CBR4: variants seen among roughly 807,000 people sequenced by gnomAD.
CBR4 encodes carbonyl reductase 4.
Under a neutral mutation model 21.0 loss-of-function variants are expected in CBR4, and 22 were observed. The ratio of observed to expected loss-of-function variants is 1.05; its 90% confidence interval spans 0.75 to 1.50. The LOEUF (loss-of-function observed/expected upper bound fraction) is 1.50. Among genes scored for constraint, CBR4 ranks in the 40% most tolerant of loss-of-function variants. CBR4 has a pLI of 0.00. For missense variants in CBR4, 302 were observed against 286.3 expected (o/e 1.05, Z -0.40); for synonymous variants, 100 against 104.4 (o/e 0.96, Z 0.26).
intron 2 of CBR4, among the ~76,000 whole-genome samples, chr4:168,920,176 G>A (rs1262040812): frequency 6.6e-6 from 1 of 152,230 alleles, no homozygotes; most frequent in Non-Finnish European, 1.5e-5. Context: ...AGGTCAGGCA[G>A]TGTACATGGA....
chr4:168,998,033 A>C (rs140027802), intron 4 of CBR4, among the ~76,000 whole-genome samples: 1 of 152,338 alleles, frequency 6.6e-6, no homozygotes, highest in East Asian at 1.9e-4. Context: ...GAACACTTAG[A>C]ATATCTTCTC....
chr4:169,007,832 T>C, intron 1 of CBR4, 76 bp from the exon 2 acceptor site: 1 of 1,070,240 alleles, frequency 9.3e-7, no homozygotes, highest in South Asian at 1.5e-5. Flanking sequence ...GTTAAGCATC[T>C]ATCTAAGATG....
In CBR4 at chr4:168,932,256, C is replaced by A. The variant is rs141636149; in HGVS notation, n.170-37491G>T. 5.2e-3 allele frequency among the ~76,000 whole-genome samples: 781 copies of A among 150,312 alleles called. 4 individuals are homozygous for A. The highest frequency in any genetic ancestry group is 0.018 in the African/African-American group (728 of 41,092). On this transcript the variant is annotated intron_variant and non_coding_transcript_variant, in intron 2 of 3. Transcript: ENST00000509108. ...AACAAAGAACATAAAAAAAAAAAAC[C>A]CAACAGAAATCTTAGAGTTGAAGAA... is the stretch of plus-strand genomic sequence containing the variant.
chr4:168,902,769 T>C (rs767440039), intron 2 of CBR4, among the ~76,000 whole-genome samples: 4 of 152,212 alleles, frequency 2.6e-5, no homozygotes, highest in Non-Finnish European at 5.9e-5. Flanking sequence ...CAAAATTTAC[T>C]TTTATTTTTT....
At chr4:168,934,272 G>GAAAAA (rs1560951577) in intron 2 of CBR4, among the ~76,000 whole-genome samples, 4 of 1,636 alleles carry the variant, frequency 2.4e-3, no homozygotes, top group East Asian at 0.031. Flanking sequence ...AACTAGAAAA[G>GAAAAA]CAAAAAAAAC....
At chr4:168,916,641 T>A (rs1315037614) in intron 2 of CBR4, among the ~76,000 whole-genome samples, 2 of 151,916 alleles carry the variant, frequency 1.3e-5, no homozygotes, top group African/African-American at 2.4e-5. Context: ...AAATTTTGTA[T>A]CCATATATCT....
chr4:168,955,564 G>C (rs963626722), intron 2 of CBR4, among the ~76,000 whole-genome samples: 3 of 152,102 alleles, frequency 2.0e-5, no homozygotes, highest in African/African-American at 7.2e-5. Context: ...TTGTAGCTTA[G>C]GTCACATTTC....
chr4:168,951,261 G>C (rs1255769500), intron 2 of CBR4, among the ~76,000 whole-genome samples: 1 of 152,110 alleles, frequency 6.6e-6, no homozygotes, highest in Non-Finnish European at 1.5e-5. Flanking sequence ...GTTTCACCAA[G>C]TTGGCCACAA....
chr4:168,900,556 G>A (rs1205623029), intron 2 of CBR4, among the ~76,000 whole-genome samples: 1 of 152,168 alleles, frequency 6.6e-6, no homozygotes, highest in Non-Finnish European at 1.5e-5. Flanking sequence ...GACACTTTTA[G>A]GTGTTAATTT....
chr4:168,921,257 A>C (rs993569302), intron 2 of CBR4, among the ~76,000 whole-genome samples: 4 of 151,832 alleles, frequency 2.6e-5, no homozygotes, highest in Non-Finnish European at 4.4e-5. Context: ...AATACTAAAA[A>C]TTAGGCTGGC....
intron 2 of CBR4, among the ~76,000 whole-genome samples, chr4:168,929,301 A>G (rs567841076): frequency 6.6e-6 from 1 of 152,348 alleles, no homozygotes; most frequent in African/African-American, 2.4e-5. Flanking sequence ...GGGAAAGAGA[A>G]AGCTGGTCAT....
At position 168,898,426 on chromosome 4, in the gene CBR4, G is replaced by A. The variant is rs1156906629; in HGVS notation, n.170-3661C>T. The A allele has an allele frequency of 1.3e-4, 128 of 972,222 alleles. 1 individual carries two copies. The highest frequency in any genetic ancestry group is 3.2e-5 in the Non-Finnish European group (19 of 600,980). The allele number at this position is 972,222 out of a possible 1,614,324, so 60.2% of individuals were successfully genotyped here. Reference sequence around the variant, plus strand: ...CTGTCTTCTAGGGCCTTATTGGGGGGCAGGGAGAGACGTGACACTTTGTCA... The same window carrying A: ...CTGTCTTCTAGGGCCTTATTGGGGGACAGGGAGAGACGTGACACTTTGTCA... On this transcript the variant is annotated intron_variant and non_coding_transcript_variant, in intron 2 of 3. Coordinates refer to the CBR4 transcript ENST00000509108.
At position 168,989,370 on chromosome 4, in the gene CBR4, T is replaced by C; in HGVS notation, c.*780A>G. On this transcript the variant is annotated 3_prime_UTR_variant, in exon 5 of 5. Transcript: ENST00000306193. ...GGCTAATCCTCTTCACTTATGAGAA[T>C]TTCTCAAGAATGAGTCAAATGCGCC... 1.0e-6 allele frequency: 1 copy of C among 985,428 alleles called. No homozygotes were observed. Among genetic ancestry groups the C allele is most frequent in the African/African-American group, 1.7e-5 (1 of 57,378 alleles). 61.0% of individuals were successfully genotyped at this position (985,428 alleles called of 1,614,324 possible).
At chr4:168,934,863 G>A (rs1245913471) in intron 2 of CBR4, among the ~76,000 whole-genome samples, 2 of 152,130 alleles carry the variant, frequency 1.3e-5, no homozygotes, top group Non-Finnish European at 1.5e-5. Flanking sequence ...ACCAAAACCA[G>A]ATAAGGACAT....
At chr4:168,973,043 T>C (rs1764258940) in intron 2 of CBR4, among the ~76,000 whole-genome samples, 1 of 152,350 alleles carries the variant, frequency 6.6e-6, no homozygotes, top group African/African-American at 2.4e-5. Flanking sequence ...TCATTATCTT[T>C]GTTTTTACTT....
chr4:168,934,272 G>GAAAAAAAAAAAAAAAAAAAA (rs1560951577), intron 2 of CBR4, among the ~76,000 whole-genome samples: 1 of 1,638 alleles, frequency 6.1e-4, no homozygotes, highest in Non-Finnish European at 1.4e-3. Context: ...AACTAGAAAA[G>GAAAAAAAAAAAAAAAAAAAA]CAAAAAAAAC....
intron 2 of CBR4, chr4:168,926,423 C>T: frequency 6.9e-7 from 1 of 1,442,004 alleles, no homozygotes; most frequent in Non-Finnish European, 9.4e-7. Context: ...CTGAAACAGC[C>T]ATTGCCTTGA....
chr4:168,996,646 T>C (rs1177191995), intron 4 of CBR4, among the ~76,000 whole-genome samples: 1 of 152,230 alleles, frequency 6.6e-6, no homozygotes, highest in African/African-American at 2.4e-5. Flanking sequence ...CATAATATCA[T>C]GTGTCCACCA....
In CBR4 at chr4:168,913,983, A is replaced by G. The variant is rs1059444; in HGVS notation, n.170-19218T>C. On this transcript the variant is annotated intron_variant and non_coding_transcript_variant, in intron 2 of 3. Coordinates refer to the CBR4 transcript ENST00000509108. ...TACAGGCTGTCAACCAAAGAGGTCG[A>G]AGTCCCCGGTCTCCCTCAGGCCATC... The G allele has an allele frequency of 0.1, 162,484 of 1,611,468 alleles. 9,124 individuals are homozygous for G. Among genetic ancestry groups the G allele is most frequent in the African/African-American group, 0.2 (14,945 of 74,884 alleles).
Sources: gnomAD v4.1 joint callset for allele counts (sites outside exome capture counted in the v4.1 genomes callset) on GRCh38, gnomAD v4.1.1 for gene constraint, MANE v1.5 for transcripts, NCBI Gene and HGNC (gene_info 2026-07-23, HGNC 2026-07-21) for gene names.